CUL3: variants seen among roughly 807,000 people sequenced by gnomAD.
The protein encoded by CUL3 is cullin-3.
CUL3 carries 19 observed loss-of-function variants against 89.1 expected under a neutral mutation model. The ratio of observed to expected loss-of-function variants is 0.21; its 90% CI spans 0.15 to 0.31. CUL3 has a LOEUF of 0.31. Among genes scored for constraint, CUL3 ranks in the 10% least tolerant of loss-of-function variants. The pLI, the probability that CUL3 is intolerant of heterozygous loss-of-function variation, is 1.00. For missense variants in CUL3, 469 were observed against 942.3 expected, an observed-to-expected ratio of 0.50 and a Z score of 6.58; for synonymous variants, 351 against 308.4, an observed-to-expected ratio of 1.14 and a Z score of -1.45.
chr2:224,554,331 C>T (rs1694624491), intron 2 of CUL3, among the ~76,000 whole-genome samples: 2 of 152,116 alleles, frequency 1.3e-5, no homozygotes, highest in African/African-American at 4.8e-5. Flanking sequence ...AATAAAGAAT[C>T]TCAGGGATAT....
intron 3 of CUL3, among the ~76,000 whole-genome samples, chr2:224,534,261 T>C (rs1025451364): frequency 6.6e-6 from 1 of 152,190 alleles, no homozygotes; most frequent in African/African-American, 2.4e-5. Flanking sequence ...GTTTTCCAAA[T>C]GATCTTGCTG....
chr2:224,497,040 A>AT (rs1692195227), intron 12 of CUL3, among the ~76,000 whole-genome samples: 1 of 152,162 alleles, frequency 6.6e-6, no homozygotes, highest in Non-Finnish European at 1.5e-5. Context: ...TTTTATGGGC[A>AT]TTTTCAGCAA....
In CUL3 at chr2:224,514,736, C is replaced by T. The variant is rs1692972942; in HGVS notation, c.415G>A (p.Val139Ile). 2 of 1,612,768 alleles carry T rather than the reference C, an allele frequency of 1.2e-6. No individual in the cohort carries two copies. Among genetic ancestry groups the T allele is most frequent in the Non-Finnish European group, 1.7e-6 (2 of 1,179,098 alleles). The change falls in exon 4 of 16, where the codon GTC (valine) becomes ATC (isoleucine). Residue 139 changes from valine (V) to isoleucine (I), a missense_variant. Transcript: ENST00000264414. ...AAAATAATTAATCCCAAATTGTAGA[C>T]GTTCTCCACATTATTTTGTTGTACA... Reference protein sequence around the residue: ...VYVQQNNVENVYNLGLIIFRD... With the variant: ...VYVQQNNVENIYNLGLIIFRD...
In CUL3 at chr2:224,470,403, A is replaced by G. The variant is rs1691082294; in HGVS notation, c.*3842T>C. The G allele has an allele frequency of 4.3e-6, 1 of 229,948 alleles. No individual in the cohort carries two copies. Among genetic ancestry groups the G allele is most frequent in the African/African-American group, 2.2e-5 (1 of 45,266 alleles). The allele number at this position is 229,948 out of a possible 1,614,324, so 14.2% of individuals were successfully genotyped here. ...ACACGCTTACAAATTTGCCATTTCT[A>G]AAATTAAATGCACGGGTTTCAAGAC... is the stretch of plus-strand genomic sequence containing the variant. On this transcript the variant is annotated 3_prime_UTR_variant, in exon 16 of 16. Coordinates refer to ENST00000264414, the MANE Select transcript of CUL3 (RefSeq NM_003590.5).
chr2:224,501,967 T>C (rs1692409053), intron 10 of CUL3, among the ~76,000 whole-genome samples: 1 of 152,162 alleles, frequency 6.6e-6, no homozygotes, highest in Non-Finnish European at 1.5e-5. Flanking sequence ...AAAATAAAAA[T>C]CCAGGATAAT....
At chr2:224,482,157 A>G (rs1691558584) in intron 13 of CUL3, 79 bp from the exon 14 acceptor site, 2 of 1,104,838 alleles carry the variant, frequency 1.8e-6, no homozygotes, top group Non-Finnish European at 2.6e-6. Context: ...CTGACCAAGC[A>G]GTAGTTAAAA....
intron 2 of CUL3, 49 bp from the exon 3 acceptor site, chr2:224,535,690 G>T: frequency 9.5e-7 from 1 of 1,052,292 alleles, no homozygotes; most frequent in Non-Finnish European, 1.5e-6. Flanking sequence ...CCACACACTC[G>T]TATATACAGG....
chr2:224,548,019 C>A (rs1297980234), intron 2 of CUL3, among the ~76,000 whole-genome samples: 1 of 152,090 alleles, frequency 6.6e-6, no homozygotes, highest in African/African-American at 2.4e-5. Flanking sequence ...GCATTTTCAG[C>A]AAATAAGACC....
chr2:224,515,321 C>T (rs1317581090), intron 3 of CUL3, among the ~76,000 whole-genome samples: 1 of 152,198 alleles, frequency 6.6e-6, no homozygotes. Flanking sequence ...CAAGTTCTTA[C>T]CAACATGATT....
Position 224,511,553 on chromosome 2 carries a change from A to G in CUL3, c.684T>C (p.Asn228=), listed in dbSNP as rs764183259. 10 of 1,586,232 alleles carry G rather than the reference A, an allele frequency of 6.3e-6. No individual in the cohort carries two copies. Among genetic ancestry groups the G allele is most frequent in the South Asian group, 3.6e-5 (3 of 83,460 alleles). ...CTTTCTTTATATATACTGAAGCACT[A>G]TTTTCTGCTAAAAATTTCTGGCTTT... is the stretch of plus-strand genomic sequence containing the variant. ...QMESQKFLAE[N]SASVYIKKVE... is the part of the protein sequence containing the mutation. Residue 228 remains asparagine (N), a synonymous_variant, in exon 6 of 16, where the codon AAT becomes AAC. Coordinates refer to ENST00000264414, the MANE Select transcript of CUL3 (RefSeq NM_003590.5).
At chr2:224,572,028 A>C (rs1340085199) in intron 1 of CUL3, among the ~76,000 whole-genome samples, 2 of 152,200 alleles carry the variant, frequency 1.3e-5, no homozygotes, top group Admixed American at 6.5e-5. Context: ...GTACCATGTC[A>C]ACTCAAATAA....
chr2:224,536,642 GC>G (rs1055306418), intron 2 of CUL3, among the ~76,000 whole-genome samples: 1 of 152,098 alleles, frequency 6.6e-6, no homozygotes, highest in Non-Finnish European at 1.5e-5. Context: ...AGGATTACCT[GC>G]TTTTGCACAT....
chr2:224,484,705 T>TA (rs1441006280), intron 13 of CUL3, among the ~76,000 whole-genome samples: 10 of 152,340 alleles, frequency 6.6e-5, no homozygotes, highest in Admixed American at 6.5e-4. Context: ...CACTTATATT[T>TA]AGATTTTCAC....
At chr2:224,526,817 C>CA (rs75099076) in intron 3 of CUL3, among the ~76,000 whole-genome samples, 1,757 of 74,260 alleles carry the variant, frequency 0.024, 19 homozygotes, top group African/African-American at 0.038. Context: ...ACTAAGTCTC[C>CA]AAAAAAAAAA....
In CUL3 at chr2:224,513,679, T is replaced by C. The variant is rs1197483507; in HGVS notation, c.540-41A>G. The C allele has an allele frequency of 3.0e-6, 4 of 1,337,004 alleles. No homozygotes were observed. The African/African-American group carries it at 4.5e-5, about 15-fold the overall frequency. The allele number at this position is 1,337,004 out of a possible 1,614,324, so 82.8% of individuals were successfully genotyped here. On this transcript the variant is annotated intron_variant, in intron 4 of 15. Coordinates refer to ENST00000264414, the MANE Select transcript of CUL3 (RefSeq NM_003590.5). Reference sequence around the variant, plus strand: ...ATTATCACTTGATAATTAAATTACATTTAAAAATTCACATAAAAATTACAA... The same window carrying C: ...ATTATCACTTGATAATTAAATTACACTTAAAAATTCACATAAAAATTACAA...
chr2:224,541,347 C>G (rs1650069382), intron 2 of CUL3, among the ~76,000 whole-genome samples: 1 of 152,100 alleles, frequency 6.6e-6, no homozygotes, highest in Admixed American at 6.5e-5. Context: ...AGATGTTCAA[C>G]AATGTAAGTC....
chr2:224,524,918 C>A (rs1693412057), intron 3 of CUL3, among the ~76,000 whole-genome samples: 1 of 151,484 alleles, frequency 6.6e-6, no homozygotes, highest in South Asian at 2.1e-4. Flanking sequence ...AAAAACTAAT[C>A]TAATGCATAT....
intron 3 of CUL3, among the ~76,000 whole-genome samples, chr2:224,516,221 C>T (rs1041000809): frequency 6.6e-5 from 10 of 152,008 alleles, no homozygotes; most frequent in African/African-American, 2.4e-4. Flanking sequence ...GTTCAAAATG[C>T]TTATTGATGA....
At chr2:224,562,717 G>A (rs1694942535) in intron 1 of CUL3, 1 of 151,912 alleles carries the variant, frequency 6.6e-6, no homozygotes, top group Non-Finnish European at 1.5e-5. Flanking sequence ...CATAGAGCTG[G>A]GATTAGAACT....
Sources: gnomAD v4.1 joint callset for allele counts (sites outside exome capture counted in the v4.1 genomes callset) on GRCh38, gnomAD v4.1.1 for gene constraint, MANE v1.5 for transcripts, NCBI Gene and HGNC (gene_info 2026-07-23, HGNC 2026-07-21) for gene names.